Variants in DGKI observed in about 807,000 individuals in gnomAD.
DGKI encodes the protein DAG kinase iota.
DGKI carries 55 observed loss-of-function variants against 147.5 expected under a neutral mutation model. The ratio of observed to expected loss-of-function variants is 0.37; its 90% confidence interval spans 0.30 to 0.47. The LOEUF is 0.47. Among genes scored for constraint, DGKI ranks in the 20% least tolerant of loss-of-function variants. The probability of loss-of-function intolerance (pLI) is 1.00; values close to 1 mark genes in which losing one functional copy is unlikely to be tolerated. For synonymous variants in DGKI, 469 were observed against 477.1 expected (o/e 0.98, Z 0.22); for missense variants, 1,007 against 1,323.8 (o/e 0.76, Z 3.71).
chr7:137,645,447 G>T, intron 6 of DGKI, 25 bp downstream of exon 6: 1 of 1,608,950 alleles, frequency 6.2e-7, no homozygotes, highest in Admixed American at 1.7e-5. Context: ...CCTCCTGCGA[G>T]GCCATGAGGT....
chr7:137,740,438 T>C (rs1348152357), intron 1 of DGKI, among the ~76,000 whole-genome samples: 1 of 152,200 alleles, frequency 6.6e-6, no homozygotes, highest in African/African-American at 2.4e-5. Context: ...GCATCTCCAC[T>C]TCAGTCCCCT....
chr7:137,735,403 C>T (rs1794994368), intron 1 of DGKI, among the ~76,000 whole-genome samples: 2 of 151,972 alleles, frequency 1.3e-5, no homozygotes, highest in Admixed American at 1.3e-4. Context: ...TTTACTTATC[C>T]CCCAAGAGTC....
At chr7:137,471,193 G>A (rs1814869059) in intron 23 of DGKI, among the ~76,000 whole-genome samples, 1 of 152,078 alleles carries the variant, frequency 6.6e-6, no homozygotes, top group South Asian at 2.1e-4. Flanking sequence ...GACAGAAATG[G>A]GACAAACGAG....
At position 137,383,008 on chromosome 7, in the gene DGKI, T is replaced by G. The variant is rs1811094490; in HGVS notation, c.*8212A>C. 2 of 151,898 alleles carry G rather than the reference T, an allele frequency of 1.3e-5. No homozygotes were observed. Among genetic ancestry groups the G allele is most frequent in the Admixed American group, 6.6e-5 (1 of 15,232 alleles). The allele number at this position is 151,898 out of a possible 1,614,324, so 9.4% of individuals were successfully genotyped here. A position where few individuals can be genotyped will look rare whatever the true frequency, so the allele number is the denominator to read the frequency against. ...AGTCTTGTTTCATGACACAAAGTTA[T>G]AGAAAGTGCCTCCATGCCTCTGTAT... On this transcript the variant is annotated 3_prime_UTR_variant, in exon 33 of 33. Coordinates refer to ENST00000614521, the MANE Select transcript of DGKI (RefSeq NM_001321708.2).
intron 1 of DGKI, among the ~76,000 whole-genome samples, chr7:137,759,343 T>A (rs1795785560): frequency 6.6e-6 from 1 of 152,080 alleles, no homozygotes. Flanking sequence ...TCTTTTTTTT[T>A]TTTCTTTATT....
chr7:137,704,247 G>A (rs1253402026), intron 1 of DGKI, among the ~76,000 whole-genome samples: 1 of 152,056 alleles, frequency 6.6e-6, no homozygotes, highest in Non-Finnish European at 1.5e-5. Flanking sequence ...AATAAACCAT[G>A]TCTAAGGAGC....
At chr7:137,839,426 A>G (rs1180752872) in intron 1 of DGKI, among the ~76,000 whole-genome samples, 3 of 152,264 alleles carry the variant, frequency 2.0e-5, no homozygotes, top group African/African-American at 7.2e-5. Context: ...AATAATAGAC[A>G]AATCTGTTCC....
chr7:137,464,455 C>T (rs1002839245), intron 26 of DGKI, among the ~76,000 whole-genome samples: 23 of 152,216 alleles, frequency 1.5e-4, no homozygotes, highest in African/African-American at 5.1e-4. Flanking sequence ...TTCCCCACTA[C>T]TGATGGGTCT....
chr7:137,612,770 A>C (rs1820409209), intron 8 of DGKI, among the ~76,000 whole-genome samples: 1 of 152,158 alleles, frequency 6.6e-6, no homozygotes, highest in Non-Finnish European at 1.5e-5. Context: ...GTTCCAAAAC[A>C]AATCATCTCT....
intron 1 of DGKI, among the ~76,000 whole-genome samples, chr7:137,765,599 C>G (rs1313029952): frequency 2.0e-5 from 3 of 152,232 alleles, no homozygotes; most frequent in Non-Finnish European, 4.4e-5. Context: ...TTCCAAAGAG[C>G]CTTCCTGCAG....
chr7:137,722,597 G>A, intron 1 of DGKI: 35 of 1,576,950 alleles, frequency 2.2e-5, no homozygotes, highest in Non-Finnish European at 3.0e-5. Context: ...ATCGATATCA[G>A]CAATGTAAAA....
intron 1 of DGKI, among the ~76,000 whole-genome samples, chr7:137,829,135 T>C (rs928580681): frequency 7.2e-5 from 11 of 152,230 alleles, no homozygotes; most frequent in Non-Finnish European, 1.3e-4. Context: ...TTCTCTTACA[T>C]CTAATGCTCA....
At chr7:137,586,253 TG>T (rs1819391805) in intron 13 of DGKI, among the ~76,000 whole-genome samples, 1 of 151,976 alleles carries the variant, frequency 6.6e-6, no homozygotes, top group Admixed American at 6.6e-5. Flanking sequence ...GGCGAAACCC[TG>T]TCTCTAATAA....
At chr7:137,500,045 A>G (rs1798501503) in intron 21 of DGKI, among the ~76,000 whole-genome samples, 1 of 152,206 alleles carries the variant, frequency 6.6e-6, no homozygotes, top group South Asian at 2.1e-4. Flanking sequence ...TCCAATGTAT[A>G]GTATTTTGTT....
At chr7:137,451,173 C>G (rs1813938920) in intron 27 of DGKI, among the ~76,000 whole-genome samples, 1 of 148,274 alleles carries the variant, frequency 6.7e-6, no homozygotes, top group Non-Finnish European at 1.5e-5. Context: ...TTGAGGCAGT[C>G]AGCTTCAGAC....
intron 12 of DGKI, 134 bp downstream of exon 12, chr7:137,597,713 G>A (rs1394283043): frequency 5.2e-6 from 4 of 773,996 alleles, no homozygotes; most frequent in Non-Finnish European, 8.7e-6. Flanking sequence ...ACTCTTAGGG[G>A]CTATGATTCA....
chr7:137,622,086 T>A (rs1820769122), intron 7 of DGKI, among the ~76,000 whole-genome samples: 1 of 152,044 alleles, frequency 6.6e-6, no homozygotes, highest in African/African-American at 2.4e-5. Context: ...TGAAAGTAAA[T>A]GAAAATGCCA....
At chr7:137,469,660 A>T in intron 23 of DGKI, 41 bp from the exon 24 acceptor site, 1 of 1,581,666 alleles carries the variant, frequency 6.3e-7, no homozygotes, top group Non-Finnish European at 8.7e-7. Flanking sequence ...GCATTTCAAT[A>T]ACCTGATGGG....
chr7:137,614,213 T>C (rs1269500621), intron 8 of DGKI, among the ~76,000 whole-genome samples: 2 of 152,178 alleles, frequency 1.3e-5, no homozygotes, highest in Non-Finnish European at 2.9e-5. Context: ...TTTTAGAAGA[T>C]AGGAGCAGCC....
Sources: allele counts gnomAD v4.1 joint callset (sites outside exome capture counted in the v4.1 genomes callset), GRCh38; gene constraint gnomAD v4.1.1; transcripts MANE v1.5; gene names NCBI Gene and HGNC (gene_info 2026-07-23, HGNC 2026-07-21).